The following QTMAN variants were observed in gnomAD, a reference collection of about 807,000 sequenced individuals.
The protein encoded by QTMAN is tRNA-queuosine alpha-mannosyltransferase.
chr2:143,957,489 C>A, the QTMAN span: 1 of 498,710 alleles, frequency 2.0e-6, no homozygotes, highest in Non-Finnish European at 3.3e-6. Flanking sequence ...AATCAAGGCA[C>A]AGAAGCAGAA....
the QTMAN span, among the ~76,000 whole-genome samples, chr2:144,089,782 GA>G: frequency 3.3e-5 from 5 of 151,910 alleles, no homozygotes; most frequent in East Asian, 9.6e-4. Context: ...GAGTGGGGGA[GA>G]GGGGAGGATG....
the QTMAN span, chr2:144,145,514 C>A: frequency 5.0e-4 from 643 of 1,278,706 alleles, 5 homozygotes; most frequent in African/African-American, 8.7e-3. Context: ...TAAAACGTAA[C>A]CACCTACAAA....
At chr2:144,006,793 T>A in the QTMAN span, 1 of 160,052 alleles carries the variant, frequency 6.2e-6, no homozygotes, top group African/African-American at 2.4e-5. Context: ...TGGAAATTAT[T>A]CTTGCTTTAA....
chr2:144,055,875 G>A, the QTMAN span, among the ~76,000 whole-genome samples: 4 of 152,204 alleles, frequency 2.6e-5, no homozygotes, highest in Non-Finnish European at 2.9e-5. Context: ...AAGCGGCAAA[G>A]TGGAAGAAGG....
the QTMAN span, among the ~76,000 whole-genome samples, chr2:144,255,792 G>A: frequency 6.6e-6 from 1 of 152,214 alleles, no homozygotes; most frequent in African/African-American, 2.4e-5. Flanking sequence ...TCATTATACT[G>A]TTTGTCAAAA....
the QTMAN span, among the ~76,000 whole-genome samples, chr2:144,243,169 T>C: frequency 6.6e-6 from 1 of 152,246 alleles, no homozygotes; most frequent in African/African-American, 2.4e-5. Flanking sequence ...AATCAAAAAC[T>C]ACGCTCAGAA....
the QTMAN span, among the ~76,000 whole-genome samples, chr2:144,051,439 G>C: frequency 1.3e-5 from 2 of 152,016 alleles, no homozygotes; most frequent in Non-Finnish European, 2.9e-5. Context: ...TGGATGGCTT[G>C]AGCCCAGGAG....
the QTMAN span, chr2:144,007,235 C>G: frequency 6.2e-7 from 1 of 1,611,488 alleles, no homozygotes; most frequent in Non-Finnish European, 8.5e-7. Context: ...CAACTCCACC[C>G]AAAATGTCAC....
chr2:144,077,011 A>G, the QTMAN span, among the ~76,000 whole-genome samples: 1 of 151,706 alleles, frequency 6.6e-6, no homozygotes, highest in Middle Eastern at 3.4e-3. Context: ...TAATATAAAC[A>G]ATAGATTAAA....
At chr2:144,280,136 A>G in the QTMAN span, among the ~76,000 whole-genome samples, 1 of 152,220 alleles carries the variant, frequency 6.6e-6, no homozygotes, top group African/African-American at 2.4e-5. Flanking sequence ...AGCAGCATAA[A>G]AAGTATTCAG....
chr2:144,128,109 T>C, the QTMAN span: 1 of 152,040 alleles, frequency 6.6e-6, no homozygotes, highest in Non-Finnish European at 1.5e-5. Context: ...GAAAAAAATT[T>C]ATTCATAAAA....
the QTMAN span, among the ~76,000 whole-genome samples, chr2:143,996,103 G>T: frequency 6.6e-6 from 1 of 152,056 alleles, no homozygotes; most frequent in East Asian, 1.9e-4. Context: ...CATTAAATGG[G>T]TTAAAAAAAT....
the QTMAN span, among the ~76,000 whole-genome samples, chr2:144,177,503 T>C: frequency 1.3e-5 from 2 of 152,040 alleles, no homozygotes; most frequent in Admixed American, 1.3e-4. Flanking sequence ...TACAAATGCA[T>C]ACGAGGAGTT....
the QTMAN span, among the ~76,000 whole-genome samples, chr2:144,028,599 C>A: frequency 6.6e-6 from 1 of 152,054 alleles, no homozygotes; most frequent in Non-Finnish European, 1.5e-5. Context: ...GTTGATGAGA[C>A]CACGCTTCCA....
chr2:144,257,644 G>A, the QTMAN span, among the ~76,000 whole-genome samples: 3 of 152,262 alleles, frequency 2.0e-5, no homozygotes, highest in African/African-American at 7.2e-5. Flanking sequence ...AACCCAAATA[G>A]AAGTGCAAAT....
At chr2:144,309,788 A>G in the QTMAN span, among the ~76,000 whole-genome samples, 10 of 152,256 alleles carry the variant, frequency 6.6e-5, no homozygotes, top group African/African-American at 2.4e-4. Context: ...AAAAAGAAGT[A>G]ACATTCAGCC....
chr2:144,328,819 A>G, the QTMAN span, among the ~76,000 whole-genome samples: 1 of 152,178 alleles, frequency 6.6e-6, no homozygotes, highest in East Asian at 1.9e-4. Flanking sequence ...TATTACCTCT[A>G]TGACTCTACA....
At chr2:144,219,411 G>A in the QTMAN span, among the ~76,000 whole-genome samples, 52 of 152,248 alleles carry the variant, frequency 3.4e-4, no homozygotes, top group Middle Eastern at 3.4e-3. Flanking sequence ...GATTACAGGC[G>A]TAAGCCACTG....
the QTMAN span, among the ~76,000 whole-genome samples, chr2:144,052,026 T>C: frequency 2.8e-4 from 43 of 152,344 alleles, no homozygotes; most frequent in South Asian, 8.3e-4. Flanking sequence ...CCTTGTTTAT[T>C]GCCTGTGTTC....
Sources: gnomAD v4.1 joint callset for allele counts (sites outside exome capture counted in the v4.1 genomes callset) on GRCh38, gnomAD v4.1.1 for gene constraint, MANE v1.5 for transcripts, NCBI Gene and HGNC (gene_info 2026-07-23, HGNC 2026-07-21) for gene names.